WWOX: variants seen among roughly 807,000 people sequenced by gnomAD.
The protein encoded by WWOX is WW domain-containing oxidoreductase.
In WWOX, 69 loss-of-function variants were observed where a neutral mutation model predicts 46.2. The ratio of observed to expected loss-of-function variants is 1.49; its 90% CI spans 1.23 to 1.82. The LOEUF is 1.82. Among genes scored for constraint, WWOX ranks in the 40% most tolerant of loss-of-function variants. The probability of loss-of-function intolerance (pLI) is 0.00; values close to 1 mark genes in which losing one functional copy is unlikely to be tolerated. For missense variants in WWOX, 919 were observed against 542.6 expected (o/e 1.69, Z -6.89); for synonymous variants, 359 against 202.6 (o/e 1.77, Z -6.56).
chr16:78,913,705 A>C (rs1248271799), intron 8 of WWOX, among the ~76,000 whole-genome samples: 1 of 150,982 alleles, frequency 6.6e-6, no homozygotes, highest in Non-Finnish European at 1.5e-5. Context: ...TATGTTGCCC[A>C]GACTTGGGTG....
At chr16:78,575,002 TATATATATATATATATATAAA>T (rs2044817313) in intron 8 of WWOX, among the ~76,000 whole-genome samples, 1 of 12,426 alleles carries the variant, frequency 8.0e-5, no homozygotes, top group African/African-American at 3.9e-4. Flanking sequence ...TTTTCAATTA[TATATATATATATATATATAAA>T]TATATATATA....
At chr16:78,244,126 A>G (rs1012984265) in intron 5 of WWOX, among the ~76,000 whole-genome samples, 3 of 152,134 alleles carry the variant, frequency 2.0e-5, no homozygotes, top group African/African-American at 4.8e-5. Context: ...TGCCTGTGCA[A>G]TGGTGGGTAG....
intron 5 of WWOX, among the ~76,000 whole-genome samples, chr16:78,309,707 C>T (rs1054817650): frequency 6.6e-6 from 1 of 152,158 alleles, no homozygotes; most frequent in African/African-American, 2.4e-5. Flanking sequence ...TTCACTCTTT[C>T]AATCAACGTA....
At chr16:79,129,020 A>G (rs912925098) in intron 8 of WWOX, among the ~76,000 whole-genome samples, 1 of 152,196 alleles carries the variant, frequency 6.6e-6, no homozygotes, top group Non-Finnish European at 1.5e-5. Flanking sequence ...CTGGTAAACA[A>G]CAGTCCAAGT....
chr16:78,997,564 A>G (rs377196827), intron 8 of WWOX, among the ~76,000 whole-genome samples: 3 of 152,168 alleles, frequency 2.0e-5, no homozygotes, highest in Non-Finnish European at 2.9e-5. Context: ...GCATGTATAT[A>G]CAACAGTACC....
chr16:78,220,167 T>A (rs1047884016), intron 5 of WWOX, among the ~76,000 whole-genome samples: 1 of 152,132 alleles, frequency 6.6e-6, no homozygotes, highest in Non-Finnish European at 1.5e-5. Context: ...CTAGAACATG[T>A]TGGGATTTTG....
intron 5 of WWOX, among the ~76,000 whole-genome samples, chr16:78,332,182 C>A (rs528561701): frequency 6.6e-6 from 1 of 152,190 alleles, no homozygotes; most frequent in African/African-American, 2.4e-5. Flanking sequence ...CCACCCCAAG[C>A]CTTTTTTGCC....
chr16:78,164,590 A>G (rs975392265), intron 5 of WWOX, among the ~76,000 whole-genome samples: 5 of 152,200 alleles, frequency 3.3e-5, no homozygotes, highest in African/African-American at 7.2e-5. Flanking sequence ...CATGATTGCA[A>G]CTAGGAGACT....
intron 8 of WWOX, among the ~76,000 whole-genome samples, chr16:78,538,314 T>C (rs1437324916): frequency 6.7e-6 from 1 of 149,332 alleles, no homozygotes; most frequent in Admixed American, 6.7e-5. Flanking sequence ...ACCTGGAAGC[T>C]CAGATAGCAA....
intron 8 of WWOX, among the ~76,000 whole-genome samples, chr16:78,610,717 A>T (rs2045880780): frequency 6.6e-6 from 1 of 152,274 alleles, no homozygotes; most frequent in Admixed American, 6.5e-5. Flanking sequence ...ACAGAAATCT[A>T]ACTTAGGGAT....
At chr16:78,301,407 G>T (rs1455368042) in intron 5 of WWOX, among the ~76,000 whole-genome samples, 1 of 151,996 alleles carries the variant, frequency 6.6e-6, no homozygotes, top group Non-Finnish European at 1.5e-5. Context: ...GGCTACCAAG[G>T]TTTTCTTTAT....
chr16:78,509,697 C>G (rs147824003), intron 8 of WWOX, among the ~76,000 whole-genome samples: 115 of 152,248 alleles, frequency 7.6e-4, no homozygotes, highest in Middle Eastern at 6.8e-3. Context: ...ATCAAGCCTT[C>G]ACTGTTTTGT....
chr16:78,114,378 G>A lies in WWOX; in HGVS notation c.231-598G>A, dbSNP rs369651750. 9.7e-4 allele frequency among the ~76,000 whole-genome samples: 147 copies of A among 152,254 alleles called. No individual in the cohort carries two copies. In the South Asian group the frequency reaches 0.02, roughly 21 times the overall value. ...GCCTCCCAAATTGCCGAGATTACAG[G>A]CGTGAGCCACTGTGCCCAGCCTCCA... On this transcript the variant is annotated intron_variant, in intron 3 of 8. Coordinates refer to ENST00000566780, the MANE Select transcript of WWOX (RefSeq NM_016373.4).
chr16:79,129,794 A>C (rs1485057183), intron 8 of WWOX, among the ~76,000 whole-genome samples: 1 of 152,182 alleles, frequency 6.6e-6, no homozygotes, highest in African/African-American at 2.4e-5. Flanking sequence ...GTCACAGTCC[A>C]TCCCTCAAAG....
chr16:79,047,065 A>G (rs1369949669), intron 8 of WWOX, among the ~76,000 whole-genome samples: 2 of 152,222 alleles, frequency 1.3e-5, no homozygotes, highest in Non-Finnish European at 2.9e-5. Flanking sequence ...CTTGGCATCC[A>G]CAAATATTGC....
intron 6 of WWOX, among the ~76,000 whole-genome samples, chr16:78,399,320 G>A (rs572620761): frequency 1.6e-4 from 25 of 152,336 alleles, no homozygotes; most frequent in African/African-American, 3.4e-4. Context: ...TACCTTTGTA[G>A]ATCTTGGGAA....
intron 5 of WWOX, among the ~76,000 whole-genome samples, chr16:78,383,708 C>A (rs75464051): frequency 0.016 from 2,390 of 152,288 alleles, 69 homozygotes; most frequent in African/African-American, 0.055. Flanking sequence ...CATTTTCCAT[C>A]CCCTGGACTT....
At chr16:78,169,787 G>C (rs1360746528) in intron 5 of WWOX, among the ~76,000 whole-genome samples, 3 of 152,092 alleles carry the variant, frequency 2.0e-5, no homozygotes, top group Non-Finnish European at 4.4e-5. Flanking sequence ...GGCTGAGGCT[G>C]GGAGGCAGGG....
rs11289222 is a variant in WWOX at position 78,333,043 on chromosome 16, CTTTT to C, written c.517-53796_517-53793del. ...CTGAGTAGCATGGAAGAGCATTATA[CTTTT>C]TTTTTTTTTTTTTTTTTTTTGAGAC... On this transcript the variant is annotated intron_variant, in intron 5 of 8. Transcript: ENST00000566780. 1.1e-3 allele frequency among the ~76,000 whole-genome samples: 61 copies of C among 57,128 alleles called. 1 individual carries two copies. The highest frequency in any genetic ancestry group is 2.0e-3 in the African/African-American group (37 of 18,512). 37.5% of individuals were successfully genotyped at this position (57,128 alleles called of 152,430 possible).
Sources: allele counts gnomAD v4.1 joint callset (sites outside exome capture counted in the v4.1 genomes callset), GRCh38; gene constraint gnomAD v4.1.1; transcripts MANE v1.5; gene names NCBI Gene and HGNC (gene_info 2026-07-23, HGNC 2026-07-21).